The following TENM3 variants were observed in gnomAD, a reference collection of about 807,000 sequenced individuals.
TENM3 encodes teneurin transmembrane protein 3.
TENM3 carries 63 observed loss-of-function variants against 255.1 expected under a neutral mutation model. The observed-to-expected ratio is 0.25, with a 90% CI of 0.20 to 0.30. The LOEUF is 0.30. TENM3 is among the 10% of genes least tolerant of loss of function. The probability of loss-of-function intolerance (pLI) is 1.00; values close to 1 mark genes in which losing one functional copy is unlikely to be tolerated. For missense variants in TENM3, 2,929 were observed against 3,461.1 expected (o/e 0.85, Z 3.86); for synonymous variants, 1,306 against 1,322.3 (o/e 0.99, Z 0.27).
At chr4:181,544,300 A>G in the TENM3 span, among the ~76,000 whole-genome samples, 1 of 150,884 alleles carries the variant, frequency 6.6e-6, no homozygotes. Context: ...AAATAAACGA[A>G]TTTCTGATCC....
chr4:181,605,787 G>T, the TENM3 span, among the ~76,000 whole-genome samples: 4 of 152,070 alleles, frequency 2.6e-5, no homozygotes, highest in African/African-American at 7.2e-5. Context: ...TCTAATAAGT[G>T]GTACCCTAAT....
At chr4:181,854,931 G>C in the TENM3 span, among the ~76,000 whole-genome samples, 2 of 152,122 alleles carry the variant, frequency 1.3e-5, no homozygotes, top group African/African-American at 4.8e-5. Context: ...ATATTGGCAA[G>C]AATGGATTTT....
chr4:181,932,664 G>C, the TENM3 span, among the ~76,000 whole-genome samples: 1 of 152,128 alleles, frequency 6.6e-6, no homozygotes, highest in Non-Finnish European at 1.5e-5. Context: ...CCATTACTGG[G>C]TGTATACCCA....
intron 1 of TENM3, among the ~76,000 whole-genome samples, chr4:182,187,228 G>C (rs760003882): frequency 6.6e-6 from 1 of 152,040 alleles, no homozygotes; most frequent in Non-Finnish European, 1.5e-5. Flanking sequence ...GAAATCTTTT[G>C]AAGAAAAACA....
intron 1 of TENM3, among the ~76,000 whole-genome samples, chr4:182,182,760 G>C (rs765774626): frequency 6.6e-6 from 1 of 152,178 alleles, no homozygotes; most frequent in Non-Finnish European, 1.5e-5. Context: ...TGCCTTATCA[G>C]GTTGTTGGAA....
chr4:182,550,322 C>T, intron 3 of TENM3, among the ~76,000 whole-genome samples: 1 of 152,174 alleles, frequency 6.6e-6, no homozygotes, highest in Non-Finnish European at 1.5e-5. Context: ...GCTATTCTTA[C>T]AGACCTATTT....
At chr4:181,466,200 C>A in the TENM3 span, among the ~76,000 whole-genome samples, 1 of 151,248 alleles carries the variant, frequency 6.6e-6, no homozygotes, top group Non-Finnish European at 1.5e-5. Context: ...CCACTGCAAC[C>A]TCCGCCTCAC....
chr4:182,744,802 C>A (rs1314352186), intron 19 of TENM3, among the ~76,000 whole-genome samples: 1 of 152,102 alleles, frequency 6.6e-6, no homozygotes, highest in Non-Finnish European at 1.5e-5. Flanking sequence ...AAATGACTTT[C>A]TTCAAAGTGA....
rs780250240 is a variant in TENM3, at chr4:182,183,625, CAT to C, written c.-76+38874_-76+38875del. 4.6e-5 allele frequency among the ~76,000 whole-genome samples: 7 copies of C among 152,220 alleles called. No homozygotes were observed. In the East Asian group the frequency reaches 1.4e-3, roughly 29 times the overall value. On this transcript the variant is annotated intron_variant, in intron 1 of 2. Transcript: ENST00000512480. Reference sequence around the variant, plus strand: ...TTTAACATACTGAGAGACCAGATAACATATGTCCATTTTTTATCAGCATTTTC... The same window carrying C: ...TTTAACATACTGAGAGACCAGATAACATGTCCATTTTTTATCAGCATTTTC...
chr4:182,624,314 C>T (rs191456967), intron 4 of TENM3, among the ~76,000 whole-genome samples: 50 of 152,322 alleles, frequency 3.3e-4, no homozygotes, highest in African/African-American at 1.1e-3. Flanking sequence ...TTTCATGGGA[C>T]CAAAGACTAA....
chr4:182,251,455 G>A (rs187716999), intron 1 of TENM3, among the ~76,000 whole-genome samples: 4 of 152,300 alleles, frequency 2.6e-5, no homozygotes, highest in East Asian at 1.9e-4. Flanking sequence ...GTGACACAGC[G>A]AGACCCTGTC....
intron 4 of TENM3, among the ~76,000 whole-genome samples, chr4:182,627,724 T>A (rs1750959491): frequency 1.2e-5 from 1 of 84,244 alleles, no homozygotes; most frequent in African/African-American, 4.4e-5. Context: ...AAATGGTGCT[T>A]TTTTAAAATT....
At chr4:181,782,891 T>G in the TENM3 span, among the ~76,000 whole-genome samples, 8 of 152,326 alleles carry the variant, frequency 5.3e-5, no homozygotes, top group Non-Finnish European at 8.8e-5. Flanking sequence ...CAGTAGTCAT[T>G]CAGGAGCAGG....
intron 1 of TENM3, among the ~76,000 whole-genome samples, chr4:182,220,378 C>CAAAAAAA (rs60851113): frequency 0.051 from 3,908 of 77,356 alleles, 521 homozygotes; most frequent in Non-Finnish European, 0.057. Flanking sequence ...CTCTGTCTCA[C>CAAAAAAA]AAAAAAAAAA....
At chr4:182,346,204 T>C (rs531099611) in intron 2 of TENM3, among the ~76,000 whole-genome samples, 1 of 152,308 alleles carries the variant, frequency 6.6e-6, no homozygotes, top group East Asian at 1.9e-4. Flanking sequence ...AACTTATTCT[T>C]GAAGGGAAAC....
At chr4:182,010,956 A>G in the TENM3 span, among the ~76,000 whole-genome samples, 4 of 152,100 alleles carry the variant, frequency 2.6e-5, no homozygotes, top group African/African-American at 7.2e-5. Flanking sequence ...ATTCTCTTCA[A>G]TTTCCCTCTA....
intron 1 of TENM3, among the ~76,000 whole-genome samples, chr4:182,171,072 T>C (rs939045439): frequency 6.6e-6 from 1 of 152,176 alleles, no homozygotes; most frequent in Non-Finnish European, 1.5e-5. Context: ...GAAAAATACC[T>C]TTAATTCACT....
At chr4:182,638,359 G>A (rs1262092748) in intron 5 of TENM3, among the ~76,000 whole-genome samples, 1 of 152,150 alleles carries the variant, frequency 6.6e-6, no homozygotes, top group Non-Finnish European at 1.5e-5. Context: ...GTGTGTGTCT[G>A]TATCCTACAT....
chr4:181,959,384 A>G, the TENM3 span, among the ~76,000 whole-genome samples: 2 of 152,308 alleles, frequency 1.3e-5, no homozygotes, highest in Non-Finnish European at 1.5e-5. Flanking sequence ...ACGTAGCTCC[A>G]GTGTCTGACA....
Sources: allele counts gnomAD v4.1 joint callset (sites outside exome capture counted in the v4.1 genomes callset), GRCh38; gene constraint gnomAD v4.1.1; transcripts MANE v1.5; gene names NCBI Gene and HGNC (gene_info 2026-07-23, HGNC 2026-07-21).